The following TENT4A variants were observed in gnomAD, a reference collection of about 807,000 sequenced individuals.
The protein encoded by TENT4A is DNA polymerase kappa.
TENT4A carries 7 observed loss-of-function variants against 72.8 expected under a neutral mutation model. The observed-to-expected ratio is 0.10, with a 90% CI of 0.05 to 0.18. The LOEUF is 0.18. TENT4A is among the 10% of genes least tolerant of loss of function. The pLI is 1.00. For synonymous variants in TENT4A, 456 were observed against 434.3 expected, an observed-to-expected ratio of 1.05 and a Z score of -0.62; for missense variants, 831 against 1,017.7, an observed-to-expected ratio of 0.82 and a Z score of 2.50.
intron 8 of TENT4A, 58 bp downstream of exon 8, chr5:6,748,648 C>G (rs1345872323): frequency 3.3e-6 from 5 of 1,538,400 alleles, no homozygotes; most frequent in Non-Finnish European, 4.5e-6. Context: ...GTACTTATCC[C>G]TTTCCTGTGT....
intron 7 of TENT4A, among the ~76,000 whole-genome samples, chr5:6,746,938 G>T (rs865780352): frequency 6.6e-6 from 1 of 152,180 alleles, no homozygotes; most frequent in African/African-American, 2.4e-5. Flanking sequence ...GAGGATTGCC[G>T]CATTGAAGAG....
rs937831354 is a variant in TENT4A, at chr5:6,750,323, C to G, written c.1688-8C>G. On this transcript the variant is annotated splice_region_variant and splice_polypyrimidine_tract_variant and intron_variant, in intron 9 of 12. Coordinates refer to ENST00000230859, the MANE Select transcript of TENT4A (RefSeq NM_006999.6). The stretch of plus-strand genomic sequence containing the variant: ...GGAGTTATTAACCAAGGCTTTTTCC[C>G]TCCACAGACAGCAGGATCAAGATCA... The G allele has an allele frequency of 4.4e-6, 7 of 1,603,546 alleles. No homozygotes were observed. Among genetic ancestry groups the G allele is most frequent in the East Asian group, 2.3e-5 (1 of 44,204 alleles).
rs750562401 is a variant in TENT4A, at chr5:6,751,134, A to G, written c.1956A>G (p.Pro652=). The change falls in exon 11 of 13, where the codon CCA becomes CCG. Residue 652 remains proline, a synonymous_variant. Coordinates refer to ENST00000230859, the MANE Select transcript of TENT4A (RefSeq NM_006999.6). ...PLMAGLPTAL[P]MPSGKPQPTT... Reference sequence around the variant, plus strand: ...TGGCCGGCTTACCCACCGCCTTGCCAATGCCCAGTGGCAAACCTCAGCCCA... The same window carrying G: ...TGGCCGGCTTACCCACCGCCTTGCCGATGCCCAGTGGCAAACCTCAGCCCA... 8 of 1,614,108 alleles carry G rather than the reference A, an allele frequency of 5.0e-6. No individual in the cohort carries two copies. The African/African-American group carries it at 1.1e-4, about 22-fold the overall frequency.
rs1485580695 is a variant in TENT4A, at chr5:6,713,677, C to G, written c.-307C>G. ...CCGCCGCCGCGGCCCCCGCGCCCGC[C>G]CCGCGCCGCGTGAAGCGGGAGCCCG... On this transcript the variant is annotated 5_prime_UTR_variant, in exon 1 of 13. Coordinates refer to ENST00000230859, the MANE Select transcript of TENT4A (RefSeq NM_006999.6). 2 of 146,666 alleles carry G rather than the reference C, an allele frequency of 1.4e-5. No individual in the cohort carries two copies. The highest frequency in any genetic ancestry group is 4.9e-5 in the African/African-American group (2 of 40,684). The allele number at this position is 146,666 out of a possible 1,614,324, so 9.1% of individuals were successfully genotyped here. A position where few individuals can be genotyped will look rare whatever the true frequency, so the allele number is the denominator to read the frequency against.
chr5:6,724,291 G>A (rs1268988612), intron 1 of TENT4A, among the ~76,000 whole-genome samples: 1 of 152,118 alleles, frequency 6.6e-6, no homozygotes, highest in Non-Finnish European at 1.5e-5. Context: ...GGCCAGTGAC[G>A]CAACACAGTA....
chr5:6,725,842 A>G (rs1224007622), intron 1 of TENT4A, among the ~76,000 whole-genome samples: 2 of 152,162 alleles, frequency 1.3e-5, no homozygotes, highest in Non-Finnish European at 2.9e-5. Flanking sequence ...ATCTTTACAT[A>G]AATTTGCCAA....
chr5:6,745,735 C>T (rs1468002194), intron 6 of TENT4A, among the ~76,000 whole-genome samples: 1 of 152,180 alleles, frequency 6.6e-6, no homozygotes, highest in East Asian at 1.9e-4. Context: ...TGATATAATG[C>T]TAATGACCTT....
chr5:6,714,847 T>G (rs1407427807), intron 1 of TENT4A, 148 bp downstream of exon 1: 1 of 341,702 alleles, frequency 2.9e-6, no homozygotes, highest in Non-Finnish European at 5.0e-6. Context: ...ACTGAAAGTT[T>G]TTTTTTTAAA....
chr5:6,733,162 G>A (rs913695236), intron 1 of TENT4A, among the ~76,000 whole-genome samples: 2 of 152,364 alleles, frequency 1.3e-5, no homozygotes, highest in Non-Finnish European at 2.9e-5. Flanking sequence ...CCAGCCTAAT[G>A]TGTCAGGAGT....
At chr5:6,737,674 C>T (rs374832320) in intron 2 of TENT4A, 41 bp downstream of exon 2, 28 of 1,595,250 alleles carry the variant, frequency 1.8e-5, no homozygotes, top group South Asian at 4.5e-5. Flanking sequence ...ACGTCACGTG[C>T]GAGTAAATTT....
Position 6,740,953 on chromosome 5 carries a change from A to G in TENT4A, c.1008+1101A>G, listed in dbSNP as rs1741770645. On this transcript the variant is annotated intron_variant, in intron 4 of 12. Coordinates refer to ENST00000230859, the MANE Select transcript of TENT4A (RefSeq NM_006999.6). Reference sequence around the variant, plus strand: ...AACTGAGATGCGGAGAGGTGAGGTCATTAGCCCAAGGTGGGTCAGCGGCAT... The same window carrying G: ...AACTGAGATGCGGAGAGGTGAGGTCGTTAGCCCAAGGTGGGTCAGCGGCAT... Among the ~76,000 whole-genome samples, 4 of 152,346 alleles carry G rather than the reference A, an allele frequency of 2.6e-5. No individual in the cohort carries two copies. The South Asian group carries it at 8.3e-4, about 32-fold the overall frequency.
At chr5:6,737,771 G>T (rs1451348497) in intron 2 of TENT4A, 138 bp downstream of exon 2, 10 of 956,612 alleles carry the variant, frequency 1.0e-5, no homozygotes, top group Non-Finnish European at 1.4e-5. Context: ...AGTGTGCTTT[G>T]AGAAGGCCTC....
intron 6 of TENT4A, among the ~76,000 whole-genome samples, chr5:6,745,462 C>T (rs565063699): frequency 1.7e-4 from 26 of 152,244 alleles, no homozygotes; most frequent in Non-Finnish European, 2.6e-4. Context: ...AGGGGCAGGG[C>T]GCCACATGTG....
chr5:6,729,644 G>C (rs190317070), intron 1 of TENT4A, among the ~76,000 whole-genome samples: 3 of 152,366 alleles, frequency 2.0e-5, no homozygotes, highest in Non-Finnish European at 4.4e-5. Context: ...ATCGGAGCCA[G>C]CAGATGTGGC....
chr5:6,736,010 C>T (rs1249591178), intron 1 of TENT4A, among the ~76,000 whole-genome samples: 2 of 152,198 alleles, frequency 1.3e-5, no homozygotes, highest in East Asian at 3.9e-4. Context: ...ATCCATCCAC[C>T]TCAGCCTCCC....
chr5:6,723,895 A>T (rs1018661065), intron 1 of TENT4A, among the ~76,000 whole-genome samples: 2 of 152,098 alleles, frequency 1.3e-5, no homozygotes, highest in Non-Finnish European at 2.9e-5. Flanking sequence ...TGGAAGCGGG[A>T]TTTCTGTCAC....
chr5:6,714,741 T>TGGTCCTGGCCAGCGCCCGC, intron 1 of TENT4A, 42 bp downstream of exon 1: 1 of 1,002,924 alleles, frequency 1.0e-6, no homozygotes, highest in Non-Finnish European at 1.3e-6. Flanking sequence ...GCGGGGCCCA[T>TGGTCCTGGCCAGCGCCCGC]GGTCCTGGCC....
At chr5:6,715,475 G>A (rs537734479) in intron 1 of TENT4A, among the ~76,000 whole-genome samples, 17 of 152,208 alleles carry the variant, frequency 1.1e-4, no homozygotes, top group Non-Finnish European at 2.1e-4. Flanking sequence ...TGCTGTTGAC[G>A]CAGCCCCTTT....
chr5:6,729,552 G>T (rs145293884), intron 1 of TENT4A, among the ~76,000 whole-genome samples: 2 of 152,364 alleles, frequency 1.3e-5, no homozygotes, highest in African/African-American at 4.8e-5. Context: ...CAGCAGGCGC[G>T]GTTCCCTCGG....
Sources: allele counts gnomAD v4.1 joint callset (sites outside exome capture counted in the v4.1 genomes callset), GRCh38; gene constraint gnomAD v4.1.1; transcripts MANE v1.5; gene names NCBI Gene and HGNC (gene_info 2026-07-23, HGNC 2026-07-21).